The following UGP2 variants were observed in gnomAD, a reference collection of about 807,000 sequenced individuals.
The protein encoded by UGP2 is UDP-glucose pyrophosphorylase 2, also known as UTP--glucose-1-phosphate uridylyltransferase.
A neutral mutation model predicts 49.0 loss-of-function variants in UGP2; 40 were observed. The observed-to-expected ratio is 0.82, with a 90% CI of 0.63 to 1.06. The LOEUF (loss-of-function observed/expected upper bound fraction) is 1.06, where lower values mean the gene tolerates loss of function less well. Ranked by LOEUF, UGP2 falls within the 50% of genes least tolerant of loss-of-function variation. The pLI is 0.00. For synonymous variants in UGP2, 225 were observed against 213.0 expected (o/e 1.06, Z -0.49); for missense variants, 460 against 603.5 (o/e 0.76, Z 2.49).
Position 63,886,355 on chromosome 2 carries a change from T to C in UGP2, c.888T>C (p.Thr296=), listed in dbSNP as rs1160923511. ...TRADVKGGTL[T]QYEGKLRLVE... ...TGCCTTTCTAGGGCGGGACACTCACTCAATATGAAGGCAAACTGAGACTGG... is the reference window on the plus strand; with the variant it reads ...TGCCTTTCTAGGGCGGGACACTCACCCAATATGAAGGCAAACTGAGACTGG... Residue 296 remains threonine, a synonymous_variant, in exon 7 of 10, where the codon ACT becomes ACC. Transcript: ENST00000337130. 1.9e-6 allele frequency: 3 copies of C among 1,614,138 alleles called. No homozygotes were observed. The highest frequency in any genetic ancestry group is 1.7e-6 in the Non-Finnish European group (2 of 1,179,994).
At chr2:63,886,812 TC>T (rs1671707203) in intron 7 of UGP2, among the ~76,000 whole-genome samples, 2 of 152,194 alleles carry the variant, frequency 1.3e-5, no homozygotes. Flanking sequence ...TAGTTGTTGC[TC>T]TGACACTCAT....
In UGP2 at chr2:63,860,555, C is replaced by G. The variant is rs138017374; in HGVS notation, c.255+2619C>G. 5.7e-4 allele frequency among the ~76,000 whole-genome samples: 87 copies of G among 152,136 alleles called. No homozygotes were observed. In the East Asian group the frequency reaches 0.013, roughly 23 times the overall value. ...GCCCTCAGAAAACTGACCTCATATG[C>G]CTTTGTCATTTCAGATGATCACTTT... On this transcript the variant is annotated intron_variant, in intron 3 of 9. Coordinates refer to ENST00000337130, the MANE Select transcript of UGP2 (RefSeq NM_006759.4).
intron 7 of UGP2, among the ~76,000 whole-genome samples, chr2:63,887,044 G>A (rs1183795202): frequency 3.9e-5 from 6 of 152,046 alleles, no homozygotes; most frequent in Non-Finnish European, 8.8e-5. Flanking sequence ...GGCCGAGGCC[G>A]GCAGATCACT....
At position 63,874,524 on chromosome 2, in the gene UGP2, G is replaced by T. The variant is rs796368708; in HGVS notation, c.256-7942G>T. Among the ~76,000 whole-genome samples, 6 of 152,298 alleles carry T rather than the reference G, an allele frequency of 3.9e-5. 1 individual carries two copies. Among genetic ancestry groups the T allele is most frequent in the African/African-American group, 1.4e-4 (6 of 41,566 alleles). On this transcript the variant is annotated intron_variant, in intron 3 of 9. Transcript: ENST00000337130. ...ATTTTCAAGGAGCAGGCAGAAAGAG[G>T]AGGAAAACAGAGTATGGTGTTTCAT...
intron 1 of UGP2, among the ~76,000 whole-genome samples, chr2:63,850,568 G>T (rs1330046213): frequency 6.6e-6 from 1 of 152,136 alleles, no homozygotes; most frequent in Non-Finnish European, 1.5e-5. Context: ...AATCTCTAAA[G>T]TTAGTGAAAA....
At chr2:63,863,284 A>C (rs914754119) in intron 3 of UGP2, among the ~76,000 whole-genome samples, 1 of 152,156 alleles carries the variant, frequency 6.6e-6, no homozygotes, top group African/African-American at 2.4e-5. Flanking sequence ...CCTTCTCTTC[A>C]TAGGTACCAT....
chr2:63,882,532 C>T lies in UGP2; in HGVS notation c.322C>T (p.Leu108=), dbSNP rs777956580. Reference sequence around the variant, plus strand: ...TAATATATCTTCCGTGTTGAACAAACTAGTGGTGGTGAAACTCAATGGTGG... The same window carrying T: ...TAATATATCTTCCGTGTTGAACAAATTAGTGGTGGTGAAACTCAATGGTGG... ...PDNISSVLNK[L]VVVKLNGGLG... is the part of the protein sequence containing the mutation. The change falls in exon 4 of 10, where the codon CTA becomes TTA. Residue 108 remains leucine, a synonymous_variant. Coordinates refer to ENST00000337130, the MANE Select transcript of UGP2 (RefSeq NM_006759.4). 3.1e-6 allele frequency: 5 copies of T among 1,613,258 alleles called. No homozygotes were observed. The highest frequency in any genetic ancestry group is 3.4e-6 in the Non-Finnish European group (4 of 1,179,392).
At chr2:63,854,954 C>G (rs1478351882) in intron 1 of UGP2, 1 of 152,342 alleles carries the variant, frequency 6.6e-6, no homozygotes, top group African/African-American at 2.4e-5. Context: ...TTTCAGCCAG[C>G]CTTTCTTAGC....
At chr2:63,880,454 C>T (rs1671229683) in intron 3 of UGP2, among the ~76,000 whole-genome samples, 2 of 152,086 alleles carry the variant, frequency 1.3e-5, no homozygotes, top group African/African-American at 2.4e-5. Flanking sequence ...GCCACCGCAT[C>T]CAGCCTGTTT....
intron 7 of UGP2, among the ~76,000 whole-genome samples, chr2:63,886,927 A>T (rs560316309): frequency 2.0e-5 from 3 of 152,182 alleles, no homozygotes; most frequent in South Asian, 2.1e-4. Context: ...AAAAGATTAC[A>T]TGTTTAAGAG....
chr2:63,884,190 C>A (rs1671507168), intron 5 of UGP2, 97 bp downstream of exon 5: 3 of 1,414,856 alleles, frequency 2.1e-6, no homozygotes, highest in Non-Finnish European at 2.9e-6. Context: ...GTACAGGTAC[C>A]AAATATTGAT....
chr2:63,887,765 T>C, intron 8 of UGP2, 121 bp downstream of exon 8: 1 of 1,289,842 alleles, frequency 7.8e-7, no homozygotes. Context: ...TATTCCTCTG[T>C]CTTTGATACC....
chr2:63,857,735 A>G (rs78463006), intron 2 of UGP2, 94 bp from the exon 3 acceptor site: 31,886 of 1,265,374 alleles, frequency 0.025, 434 homozygotes, highest in East Asian at 0.036. Context: ...ATTTCATTTA[A>G]CGATATTTTA....
intron 6 of UGP2, among the ~76,000 whole-genome samples, 160 bp from the exon 7 acceptor site, chr2:63,886,181 G>T (rs1372687172): frequency 1.3e-5 from 2 of 152,030 alleles, no homozygotes; most frequent in Non-Finnish European, 2.9e-5. Flanking sequence ...TACTCTTCTA[G>T]TTTGGCATTT....
intron 3 of UGP2, among the ~76,000 whole-genome samples, chr2:63,870,334 C>CA (rs969502961): frequency 1.3e-5 from 2 of 152,078 alleles, no homozygotes; most frequent in Admixed American, 6.6e-5. Flanking sequence ...TGGTAGAAGA[C>CA]AAAAAACTTT....
chr2:63,879,547 T>C lies in UGP2; in HGVS notation c.256-2919T>C, dbSNP rs373902580. On this transcript the variant is annotated intron_variant, in intron 3 of 9. Transcript: ENST00000337130. The stretch of plus-strand genomic sequence containing the variant: ...TGTAATGACAAGATGGGTCATACTT[T>C]ATAGTACGATTCAATTTATTTAAAA... Among the ~76,000 whole-genome samples, 40 of 152,332 alleles carry C rather than the reference T, an allele frequency of 2.6e-4. No individual in the cohort carries two copies. The Middle Eastern group carries it at 0.01, about 39-fold the overall frequency.
intron 3 of UGP2, among the ~76,000 whole-genome samples, chr2:63,872,315 A>G (rs1043750735): frequency 6.6e-6 from 1 of 152,206 alleles, no homozygotes; most frequent in Non-Finnish European, 1.5e-5. Context: ...GTAAGAACCT[A>G]TTGGTTATAT....
intron 8 of UGP2, chr2:63,889,823 A>G (rs1671958698): frequency 3.3e-6 from 1 of 302,492 alleles, no homozygotes; most frequent in Non-Finnish European, 6.0e-6. Context: ...TCTTTAAAAA[A>G]AAAAAGAAAA....
upstream of UGP2, chr2:63,841,201 C>T (rs1433679333): frequency 6.6e-6 from 1 of 152,200 alleles, no homozygotes; most frequent in Non-Finnish European, 1.5e-5. Context: ...CATAAACGCC[C>T]CCAATTTCCC....
Sources: allele counts gnomAD v4.1 joint callset (sites outside exome capture counted in the v4.1 genomes callset), GRCh38; gene constraint gnomAD v4.1.1; transcripts MANE v1.5; gene names NCBI Gene and HGNC (gene_info 2026-07-23, HGNC 2026-07-21).